The following CALCR variants were observed in gnomAD, a reference collection of about 807,000 sequenced individuals.
CALCR encodes calcitonin receptor.
CALCR carries 47 observed loss-of-function variants against 59.5 expected under a neutral mutation model. The observed-to-expected ratio is 0.79, with a 90% CI of 0.63 to 1.01. CALCR has a LOEUF of 1.01. Ranked by LOEUF, CALCR falls within the 50% of genes least tolerant of loss-of-function variation. The pLI, the probability that CALCR is intolerant of heterozygous loss-of-function variation, is 0.00. For synonymous variants in CALCR, 213 were observed against 211.3 expected (o/e 1.01, Z -0.07); for missense variants, 566 against 597.1 (o/e 0.95, Z 0.54).
chr7:93,471,644 C>G (rs936929467), intron 6 of CALCR, among the ~76,000 whole-genome samples: 7 of 151,686 alleles, frequency 4.6e-5, no homozygotes, highest in Non-Finnish European at 8.8e-5. Context: ...TAGAGACGCC[C>G]TGCACAGCTA....
intron 2 of CALCR, among the ~76,000 whole-genome samples, chr7:93,543,749 C>A (rs1789208262): frequency 6.6e-6 from 1 of 151,660 alleles, no homozygotes; most frequent in African/African-American, 2.4e-5. Flanking sequence ...AGATTTTTTT[C>A]CAATGAGTTT....
chr7:93,443,942 T>C (rs1254001399), intron 8 of CALCR, among the ~76,000 whole-genome samples, 185 bp from the exon 9 acceptor site: 4 of 152,146 alleles, frequency 2.6e-5, no homozygotes, highest in African/African-American at 9.6e-5. Context: ...ATCACTGCTA[T>C]TACATGTAAA....
At chr7:93,444,611 C>T (rs1799975403) in intron 8 of CALCR, among the ~76,000 whole-genome samples, 2 of 152,016 alleles carry the variant, frequency 1.3e-5, no homozygotes, top group Non-Finnish European at 2.9e-5. Flanking sequence ...ATCTCCCACA[C>T]ACTCTTGACA....
At chr7:93,475,040 T>C (rs906005107) in intron 5 of CALCR, among the ~76,000 whole-genome samples, 1 of 151,702 alleles carries the variant, frequency 6.6e-6, no homozygotes, top group Non-Finnish European at 1.5e-5. Context: ...TTTCTATTAG[T>C]AGTTTTGGTT....
intron 2 of CALCR, among the ~76,000 whole-genome samples, chr7:93,514,323 G>T (rs1801608251): frequency 6.6e-6 from 1 of 151,872 alleles, no homozygotes; most frequent in African/African-American, 2.4e-5. Context: ...ATCTGAGGTT[G>T]GCCACATATT....
intron 8 of CALCR, among the ~76,000 whole-genome samples, chr7:93,457,790 AG>A (rs1800238597): frequency 6.6e-6 from 1 of 152,162 alleles, no homozygotes; most frequent in Non-Finnish European, 1.5e-5. Flanking sequence ...GTCTGGTTAT[AG>A]GCGGCGATCA....
At chr7:93,507,284 T>C (rs979696302) in intron 2 of CALCR, among the ~76,000 whole-genome samples, 2 of 150,690 alleles carry the variant, frequency 1.3e-5, no homozygotes, top group South Asian at 2.1e-4. Flanking sequence ...GGTGAGAAAG[T>C]GGTTAAAAAG....
chr7:93,431,773 G>A (rs993582335), intron 13 of CALCR, among the ~76,000 whole-genome samples: 1 of 152,148 alleles, frequency 6.6e-6, no homozygotes, highest in Non-Finnish European at 1.5e-5. Context: ...TTCTGATCAT[G>A]CTACTTCCTT....
chr7:93,435,367 G>A (rs1307029182), intron 12 of CALCR, among the ~76,000 whole-genome samples: 1 of 152,140 alleles, frequency 6.6e-6, no homozygotes, highest in African/African-American at 2.4e-5. Context: ...TATGACCAAG[G>A]AGAACATGCC....
At chr7:93,450,981 T>C (rs1402760881) in intron 8 of CALCR, among the ~76,000 whole-genome samples, 1 of 151,938 alleles carries the variant, frequency 6.6e-6, no homozygotes, top group Non-Finnish European at 1.5e-5. Flanking sequence ...CATCTACATT[T>C]CAGGAGTAAT....
intron 13 of CALCR, among the ~76,000 whole-genome samples, chr7:93,433,463 A>G (rs975015176): frequency 2.6e-5 from 4 of 152,194 alleles, no homozygotes; most frequent in African/African-American, 9.7e-5. Context: ...TAATTGAAAA[A>G]CAGGAAATCT....
intron 2 of CALCR, among the ~76,000 whole-genome samples, chr7:93,493,502 T>C (rs903537549): frequency 1.3e-5 from 2 of 151,370 alleles, no homozygotes; most frequent in African/African-American, 4.8e-5. Flanking sequence ...ACTACCTTAG[T>C]GCAGGTCACC....
intron 2 of CALCR, among the ~76,000 whole-genome samples, chr7:93,573,283 A>T (rs1367762727): frequency 3.3e-5 from 5 of 152,212 alleles, no homozygotes; most frequent in African/African-American, 1.2e-4. Context: ...GCTTTCTATG[A>T]TCATTTAAGA....
At chr7:93,545,694 T>G (rs912652977) in intron 2 of CALCR, among the ~76,000 whole-genome samples, 1 of 151,906 alleles carries the variant, frequency 6.6e-6, no homozygotes, top group Admixed American at 6.6e-5. Context: ...AGTATTAAAT[T>G]TTTTTTTAAT....
At chr7:93,461,954 C>T in intron 7 of CALCR, 1 of 698,284 alleles carries the variant, frequency 1.4e-6, no homozygotes, top group Non-Finnish European at 2.4e-6. Context: ...TGACTCATAA[C>T]ACTAACTATT....
chr7:93,555,161 G>A (rs1789563933), intron 2 of CALCR, among the ~76,000 whole-genome samples: 1 of 151,980 alleles, frequency 6.6e-6, no homozygotes. Context: ...AGATGAGAGG[G>A]GATGTCAAAC....
chr7:93,510,320 G>T (rs1230849671), intron 2 of CALCR, among the ~76,000 whole-genome samples: 3 of 152,110 alleles, frequency 2.0e-5, no homozygotes, highest in Non-Finnish European at 2.9e-5. Context: ...ATGGGGGAAA[G>T]GTCCCTCGTT....
At chr7:93,561,984 T>C (rs936202282) in intron 2 of CALCR, among the ~76,000 whole-genome samples, 4 of 152,106 alleles carry the variant, frequency 2.6e-5, no homozygotes, top group Admixed American at 6.6e-5. Flanking sequence ...AGCCTCATCA[T>C]TTCCTGGAGT....
intron 3 of CALCR, among the ~76,000 whole-genome samples, chr7:93,485,219 A>C (rs1443198515): frequency 6.6e-6 from 1 of 151,658 alleles, no homozygotes; most frequent in Non-Finnish European, 1.5e-5. Flanking sequence ...CTGTCACAGC[A>C]AAGAGAGCAC....
Sources: allele counts gnomAD v4.1 joint callset (sites outside exome capture counted in the v4.1 genomes callset), GRCh38; gene constraint gnomAD v4.1.1; transcripts MANE v1.5; gene names NCBI Gene and HGNC (gene_info 2026-07-23, HGNC 2026-07-21).